Variants in KHDRBS3 observed in about 807,000 individuals in gnomAD.
KHDRBS3 encodes the protein KH domain-containing, RNA-binding, signal transduction-associated protein 3.
A neutral mutation model predicts 45.6 loss-of-function variants in KHDRBS3; 23 were observed. The observed-to-expected ratio is 0.50, with a 90% CI of 0.36 to 0.72. The LOEUF is 0.72. KHDRBS3 is among the 30% of genes least tolerant of loss of function. The pLI is 0.00. For missense variants in KHDRBS3, 352 were observed against 424.8 expected, an observed-to-expected ratio of 0.83 and a Z score of 1.51; for synonymous variants, 162 against 156.5, an observed-to-expected ratio of 1.04 and a Z score of -0.26.
chr8:135,604,110 A>G (rs984927256), intron 6 of KHDRBS3, among the ~76,000 whole-genome samples: 13 of 151,960 alleles, frequency 8.6e-5, no homozygotes, highest in African/African-American at 3.1e-4. Flanking sequence ...TTTTTTATAT[A>G]TGCATACATG....
At chr8:135,573,935 T>G (rs917504502) in intron 5 of KHDRBS3, among the ~76,000 whole-genome samples, 1 of 152,206 alleles carries the variant, frequency 6.6e-6, no homozygotes, top group Non-Finnish European at 1.5e-5. Context: ...GTCTTTTTGC[T>G]CTTCTGTTAC....
chr8:135,646,359 A>C (rs1181453145), intron 8 of KHDRBS3, among the ~76,000 whole-genome samples: 3 of 152,208 alleles, frequency 2.0e-5, no homozygotes, highest in Non-Finnish European at 4.4e-5. Context: ...TTCAGTACGG[A>C]TTTAGCATTA....
intron 3 of KHDRBS3, among the ~76,000 whole-genome samples, chr8:135,548,350 C>T (rs565783184): frequency 2.0e-5 from 3 of 152,242 alleles, no homozygotes; most frequent in South Asian, 2.1e-4. Flanking sequence ...ATCACAGAGA[C>T]GCACACAGCC....
intron 1 of KHDRBS3, among the ~76,000 whole-genome samples, chr8:135,471,910 C>G (rs540618863): frequency 3.3e-5 from 5 of 152,258 alleles, no homozygotes; most frequent in Admixed American, 2.0e-4. Flanking sequence ...AGTTCTTTCT[C>G]CAATGAGAAT....
At position 135,464,801 on chromosome 8, in the gene KHDRBS3, A is replaced by G. The variant is rs138368338; in HGVS notation, c.88+6847A>G. ...TGAGAAAACCGAGGTCAGGAAGGTC[A>G]CATAATTTGCCTAAGAACACATAGC... On this transcript the variant is annotated intron_variant, in intron 1 of 8. Coordinates refer to ENST00000355849, the MANE Select transcript of KHDRBS3 (RefSeq NM_006558.3). Among the ~76,000 whole-genome samples the G allele has an allele frequency of 5.1e-3, 781 of 152,344 alleles. 1 individual carries two copies. Among genetic ancestry groups the G allele is most frequent in the Non-Finnish European group, 8.4e-3 (569 of 68,024 alleles).
intron 5 of KHDRBS3, among the ~76,000 whole-genome samples, chr8:135,576,712 G>C (rs1464409973): frequency 2.6e-5 from 4 of 152,072 alleles, no homozygotes; most frequent in African/African-American, 9.7e-5. Flanking sequence ...TTGGAGTATG[G>C]TATTAGAAAC....
chr8:135,628,890 C>T (rs1381088621), intron 7 of KHDRBS3, among the ~76,000 whole-genome samples: 1 of 152,190 alleles, frequency 6.6e-6, no homozygotes, highest in Non-Finnish European at 1.5e-5. Context: ...TTCTGGCAGA[C>T]CTGTTCGAGG....
chr8:135,494,964 T>TTTG (rs1246553345), intron 1 of KHDRBS3, among the ~76,000 whole-genome samples: 1 of 151,862 alleles, frequency 6.6e-6, no homozygotes, highest in Admixed American at 6.6e-5. Context: ...GCAAGCAGAG[T>TTTG]TTGTTGTTGT....
At chr8:135,549,445 A>G (rs2130800548) in intron 4 of KHDRBS3, 1 of 152,344 alleles carries the variant, frequency 6.6e-6, no homozygotes, top group South Asian at 2.1e-4. Context: ...GCTTCTGCCA[A>G]GTATTTTGGA....
chr8:135,626,834 T>C (rs932780366), intron 7 of KHDRBS3, among the ~76,000 whole-genome samples: 32 of 148,152 alleles, frequency 2.2e-4, no homozygotes, highest in African/African-American at 7.9e-4. Context: ...AGAGGCACAG[T>C]GGGAACTGAG....
At chr8:135,646,542 G>A (rs183390835) in intron 8 of KHDRBS3, among the ~76,000 whole-genome samples, 97 of 152,082 alleles carry the variant, frequency 6.4e-4, no homozygotes, top group Non-Finnish European at 1.2e-3. Context: ...TTTGCTCTCC[G>A]GTTTTCTTCT....
intron 2 of KHDRBS3, among the ~76,000 whole-genome samples, chr8:135,537,498 C>T (rs529723700): frequency 1.9e-4 from 29 of 152,266 alleles, no homozygotes; most frequent in Non-Finnish European, 3.5e-4. Flanking sequence ...ATTATTGTAG[C>T]TTATACATCA....
chr8:135,555,485 C>T (rs190190883), intron 4 of KHDRBS3, among the ~76,000 whole-genome samples: 4 of 152,064 alleles, frequency 2.6e-5, no homozygotes. Context: ...AATTGACCCC[C>T]CAGAACTAAG....
chr8:135,523,996 T>C (rs1482029071), intron 2 of KHDRBS3, among the ~76,000 whole-genome samples: 3 of 152,112 alleles, frequency 2.0e-5, no homozygotes, highest in African/African-American at 4.8e-5. Flanking sequence ...TTGCATCTTA[T>C]TTTAATGAGT....
intron 6 of KHDRBS3, among the ~76,000 whole-genome samples, chr8:135,600,533 T>C (rs1222266674): frequency 6.6e-6 from 1 of 152,200 alleles, no homozygotes; most frequent in Non-Finnish European, 1.5e-5. Context: ...TGTTAATGCC[T>C]TCCTAGGTGT....
intron 6 of KHDRBS3, among the ~76,000 whole-genome samples, chr8:135,604,838 T>A (rs1230202729): frequency 6.6e-6 from 1 of 151,986 alleles, no homozygotes; most frequent in Non-Finnish European, 1.5e-5. Context: ...TTGTTTTTTT[T>A]AATGTGGATT....
chr8:135,518,688 C>T (rs558145620), intron 1 of KHDRBS3, among the ~76,000 whole-genome samples: 15 of 152,228 alleles, frequency 9.9e-5, no homozygotes, highest in African/African-American at 3.1e-4. Flanking sequence ...TTGTTATACC[C>T]GGAGCAGCTG....
At chr8:135,498,297 C>G (rs558378663) in intron 1 of KHDRBS3, among the ~76,000 whole-genome samples, 2 of 152,318 alleles carry the variant, frequency 1.3e-5, no homozygotes, top group Admixed American at 6.5e-5. Flanking sequence ...AGTGGTTCAA[C>G]TACCGTACTG....
In KHDRBS3 at chr8:135,645,065, T is replaced by C. The variant is rs1831225999; in HGVS notation, c.897T>C (p.Ala299=). The change falls in exon 8 of 9, where the codon GCT becomes GCC. Residue 299 remains alanine, a synonymous_variant. Coordinates refer to ENST00000355849, the MANE Select transcript of KHDRBS3 (RefSeq NM_006558.3). ...NSYSTPAQSG[A]DYYDYGHGLS... is the part of the protein sequence containing the mutation. Reference sequence around the variant, plus strand: ...TTGTTTTGATCACTTGCAGTGGTGCTGATTACTATGATTACGGACATGGAC... The same window carrying C: ...TTGTTTTGATCACTTGCAGTGGTGCCGATTACTATGATTACGGACATGGAC... 2.5e-6 allele frequency: 4 copies of C among 1,613,338 alleles called. No homozygotes were observed. Among genetic ancestry groups the C allele is most frequent in the Non-Finnish European group, 3.4e-6 (4 of 1,179,896 alleles).
Sources: allele counts gnomAD v4.1 joint callset (sites outside exome capture counted in the v4.1 genomes callset), GRCh38; gene constraint gnomAD v4.1.1; transcripts MANE v1.5; gene names NCBI Gene and HGNC (gene_info 2026-07-23, HGNC 2026-07-21).